Variants in NUP214 observed in about 807,000 individuals in gnomAD.
The protein encoded by NUP214 is nuclear pore complex protein Nup214.
A neutral mutation model predicts 196.2 loss-of-function variants in NUP214; 79 were observed. That is an observed-to-expected ratio of 0.40 (90% CI 0.34 to 0.49). NUP214 has a LOEUF of 0.49. Among genes scored for constraint, NUP214 ranks in the 20% least tolerant of loss-of-function variants. The pLI is 0.58. For synonymous variants in NUP214, 1,020 were observed against 990.5 expected, an observed-to-expected ratio of 1.03 and a Z score of -0.56; for missense variants, 2,468 against 2,539.0, an observed-to-expected ratio of 0.97 and a Z score of 0.60.
chr9:131,204,763 C>A lies in NUP214; in HGVS notation c.5592+3046C>A, dbSNP rs149461691. On this transcript the variant is annotated intron_variant, in intron 30 of 35. Transcript: ENST00000359428. ...AAAGACAGAACCTTCCAAAACTAAT[C>A]GATAATAGTAATCCACAGATTCAGA... Among the ~76,000 whole-genome samples the A allele has an allele frequency of 7.4e-3, 1,119 of 152,218 alleles. 14 individuals are homozygous for A. Among genetic ancestry groups the A allele is most frequent in the African/African-American group, 0.026 (1,077 of 41,504 alleles).
intron 23 of NUP214, among the ~76,000 whole-genome samples, chr9:131,176,019 AT>A (rs1368108526): frequency 6.6e-6 from 1 of 152,096 alleles, no homozygotes; most frequent in Non-Finnish European, 1.5e-5. Context: ...AGAGGTAGGT[AT>A]TTGAATGGCT....
At chr9:131,231,912 C>CAAAAAAAA (rs900440054) in intron 34 of NUP214, among the ~76,000 whole-genome samples, 2 of 43,956 alleles carry the variant, frequency 4.6e-5, no homozygotes, top group African/African-American at 7.6e-5. Flanking sequence ...ACAACAACAG[C>CAAAAAAAA]AAAAAAAAAA....
chr9:131,163,020 T>C lies in NUP214; in HGVS notation c.2570T>C (p.Leu857Pro). 6.2e-7 allele frequency: 1 copy of C among 1,614,198 alleles called. No individual in the cohort carries two copies. The highest frequency in any genetic ancestry group is 8.5e-7 in the Non-Finnish European group (1 of 1,180,026). Reference protein sequence around the residue: ...RHLLVPERETLFNTLANNREI... With the variant: ...RHLLVPERETPFNTLANNREI... ...CTGCTTGTGCCAGAGCGAGAGACAC[T>C]GTTTAACACCCTAGCCAACAATCGG... Residue 857 changes from leucine to proline, a missense_variant, in exon 19 of 36, where the codon CTG becomes CCG. By Grantham distance (98) the Leu-to-Pro change is moderately conservative. Transcript: ENST00000359428.
At chr9:131,179,246 C>G (rs1226650716) in intron 24 of NUP214, among the ~76,000 whole-genome samples, 1 of 152,158 alleles carries the variant, frequency 6.6e-6, no homozygotes. Context: ...AAGTGATCCT[C>G]TCACCTCATC....
chr9:131,142,612 ATATT>A (rs1588128622), intron 11 of NUP214, among the ~76,000 whole-genome samples: 2 of 152,338 alleles, frequency 1.3e-5, no homozygotes, highest in East Asian at 3.9e-4. Flanking sequence ...GGTCTGGTAT[ATATT>A]TTTCATGTCA....
At chr9:131,186,202 A>G (rs1452391236) in intron 24 of NUP214, among the ~76,000 whole-genome samples, 3 of 152,128 alleles carry the variant, frequency 2.0e-5, no homozygotes, top group African/African-American at 4.8e-5. Context: ...ATCTCAGGGG[A>G]ACAGAGATGT....
intron 5 of NUP214, 86 bp downstream of exon 5, chr9:131,130,922 T>G (rs188949313): frequency 2.0e-6 from 2 of 1,004,284 alleles, no homozygotes; most frequent in African/African-American, 3.2e-5. Context: ...TTGTTTTTCC[T>G]ATTAAAAAGT....
At chr9:131,189,518 T>A (rs1833543771) in intron 26 of NUP214, among the ~76,000 whole-genome samples, 1 of 152,160 alleles carries the variant, frequency 6.6e-6, no homozygotes, top group Non-Finnish European at 1.5e-5. Flanking sequence ...TTTCTTCCAC[T>A]AAAAGGAATT....
At chr9:131,216,103 A>G (rs949515556) in intron 31 of NUP214, among the ~76,000 whole-genome samples, 4 of 151,480 alleles carry the variant, frequency 2.6e-5, no homozygotes, top group Non-Finnish European at 5.9e-5. Context: ...GGGTTTCACC[A>G]TGTTGACCAG....
At chr9:131,188,146 G>A (rs940925036) in intron 25 of NUP214, among the ~76,000 whole-genome samples, 6 of 152,146 alleles carry the variant, frequency 3.9e-5, no homozygotes, top group African/African-American at 2.4e-5. Flanking sequence ...TCCATTGCTC[G>A]TTTCACTACA....
chr9:131,166,465 CTT>C (rs969855641), intron 21 of NUP214, among the ~76,000 whole-genome samples: 1 of 152,168 alleles, frequency 6.6e-6, no homozygotes, highest in African/African-American at 2.4e-5. Context: ...CCACATGAAG[CTT>C]TTCATTTAAG....
At chr9:131,150,115 AG>A (rs542341855) in intron 14 of NUP214, 60 of 489,950 alleles carry the variant, frequency 1.2e-4, no homozygotes, top group African/African-American at 5.7e-4. Flanking sequence ...GTTCCATAAG[AG>A]TTGGGCCCTC....
At chr9:131,164,469 C>T (rs1295906823) in intron 21 of NUP214, 1 of 242,756 alleles carries the variant, frequency 4.1e-6, no homozygotes, top group East Asian at 8.3e-5. Flanking sequence ...GGATCCTAGC[C>T]TCTGCTTTAG....
At chr9:131,158,461 G>A (rs1832525937) in intron 17 of NUP214, among the ~76,000 whole-genome samples, 2 of 152,172 alleles carry the variant, frequency 1.3e-5, no homozygotes, top group Admixed American at 1.3e-4. Context: ...TAAAATTATT[G>A]CAGGCCTATA....
intron 26 of NUP214, chr9:131,191,969 A>G (rs1334410065): frequency 2.7e-6 from 1 of 371,820 alleles, no homozygotes; most frequent in Non-Finnish European, 4.8e-6. Context: ...AAAGGAGAAG[A>G]TGGCACACCT....
rs1048117567 is a variant in NUP214, at chr9:131,171,827, T to G, written c.2894-2228T>G. Among the ~76,000 whole-genome samples, 348 of 152,208 alleles carry G rather than the reference T, an allele frequency of 2.3e-3. 3 individuals are homozygous for G. The highest frequency in any genetic ancestry group is 8.0e-3 in the African/African-American group (334 of 41,540). On this transcript the variant is annotated intron_variant, in intron 21 of 35. Transcript: ENST00000359428. ...TGTTTGGTTTTTTGTCCTTGCAATA[T>G]TTTACTGAGAATGATGATTTCCAAT...
rs576427873 is a variant in NUP214 at position 131,178,719 on chromosome 9, T to TA, written c.3419+311dup. Among the ~76,000 whole-genome samples the TA allele has an allele frequency of 6.6e-4, 100 of 151,318 alleles. 1 individual carries two copies. The highest frequency in any genetic ancestry group is 4.8e-3 in the South Asian group (23 of 4,772). ...TGCAGGTTGATTTTTTTTTTTTTTTTAATGCCCTAGGGGTTCCAGAGTTGA... is the reference window on the plus strand; with the variant it reads ...TGCAGGTTGATTTTTTTTTTTTTTTTAAATGCCCTAGGGGTTCCAGAGTTGA... On this transcript the variant is annotated intron_variant, in intron 24 of 35. Coordinates refer to ENST00000359428, the MANE Select transcript of NUP214 (RefSeq NM_005085.4).
rs554355444 is a variant in NUP214 at position 131,192,874 on chromosome 9, G to A, written c.3659+582G>A. Among the ~76,000 whole-genome samples, 304 of 141,332 alleles carry A rather than the reference G, an allele frequency of 2.2e-3. 2 individuals carry two copies. Among genetic ancestry groups the A allele is most frequent in the African/African-American group, 7.3e-3 (274 of 37,720 alleles). 92.7% of individuals were successfully genotyped at this position (141,332 alleles called of 152,430 possible). A position where few individuals can be genotyped will look rare whatever the true frequency, so the allele number is the denominator to read the frequency against. ...GAGGATCCCTTGAGCCCGGGAGTTC[G>A]AGGTTACAGTGAGCTATGATCACAC... is the stretch of plus-strand genomic sequence containing the variant. On this transcript the variant is annotated intron_variant, in intron 27 of 35. Coordinates refer to ENST00000359428, the MANE Select transcript of NUP214 (RefSeq NM_005085.4).
chr9:131,201,534 C>T (rs954890732), intron 29 of NUP214, 113 bp from the exon 30 acceptor site: 3 of 771,170 alleles, frequency 3.9e-6, no homozygotes, highest in African/African-American at 3.6e-5. Context: ...CATTGCACTC[C>T]AGCCTGGTGA....
Sources: gnomAD v4.1 joint callset for allele counts (sites outside exome capture counted in the v4.1 genomes callset) on GRCh38, gnomAD v4.1.1 for gene constraint, MANE v1.5 for transcripts, NCBI Gene and HGNC (gene_info 2026-07-23, HGNC 2026-07-21) for gene names.